Variants in ELMOD1 observed in about 807,000 individuals in gnomAD.
The protein encoded by ELMOD1 is ELMO domain containing 1, also known as ELMO domain-containing protein 1.
ELMOD1 carries 21 observed loss-of-function variants against 46.7 expected under a neutral mutation model. The observed-to-expected ratio is 0.45, with a 90% CI of 0.32 to 0.65. ELMOD1 has a LOEUF of 0.65. Ranked by LOEUF, ELMOD1 falls within the 30% of genes least tolerant of loss-of-function variation. The pLI, the probability that ELMOD1 is intolerant of heterozygous loss-of-function variation, is 0.04. For missense variants in ELMOD1, 348 were observed against 407.8 expected (o/e 0.85, Z 1.26); for synonymous variants, 122 against 138.2 (o/e 0.88, Z 0.82).
rs1866825311 is a variant in ELMOD1 at position 107,665,385 on chromosome 11, T to C, written c.*188T>C. On this transcript the variant is annotated 3_prime_UTR_variant, in exon 12 of 12. Coordinates refer to ENST00000265840, the MANE Select transcript of ELMOD1 (RefSeq NM_018712.4). ...ACCACTGTTTCTGGAGTATCTGTCATCCAGTGACTGCTCATATTGTGGCAT... is the reference window on the plus strand; with the variant it reads ...ACCACTGTTTCTGGAGTATCTGTCACCCAGTGACTGCTCATATTGTGGCAT... 3 of 593,268 alleles carry C rather than the reference T, an allele frequency of 5.1e-6. No homozygotes were observed. The highest frequency in any genetic ancestry group is 2.4e-5 in the South Asian group (1 of 40,976). 36.8% of individuals were successfully genotyped at this position (593,268 alleles called of 1,614,324 possible). A position where few individuals can be genotyped will look rare whatever the true frequency, so the allele number is the denominator to read the frequency against.
intron 1 of ELMOD1, among the ~76,000 whole-genome samples, chr11:107,605,563 G>A (rs781738529): frequency 3.9e-5 from 6 of 152,156 alleles, no homozygotes; most frequent in Non-Finnish European, 8.8e-5. Context: ...AAAACAGTGC[G>A]TAAGATGTAG....
Position 107,634,456 on chromosome 11 carries a change from C to T in ELMOD1, c.291-1180C>T, listed in dbSNP as rs1034080368. Among the ~76,000 whole-genome samples, 14 of 151,844 alleles carry T rather than the reference C, an allele frequency of 9.2e-5. 1 individual carries two copies. The highest frequency in any genetic ancestry group is 3.9e-4 in the Admixed American group (6 of 15,242). On this transcript the variant is annotated intron_variant, in intron 5 of 11. Transcript: ENST00000265840. Reference sequence around the variant, plus strand: ...GAACGATCATAAAACATCTGAAAACCGGCTGGGCGCAGTGGCTCATGCCTG... The same window carrying T: ...GAACGATCATAAAACATCTGAAAACTGGCTGGGCGCAGTGGCTCATGCCTG...
chr11:107,599,464 A>G (rs1189779636), intron 1 of ELMOD1, among the ~76,000 whole-genome samples: 1 of 152,036 alleles, frequency 6.6e-6, no homozygotes, highest in Non-Finnish European at 1.5e-5. Context: ...TGCTTCTGCC[A>G]GGTGCGGTGG....
At chr11:107,631,751 CCTCT>C (rs1202425983) in intron 5 of ELMOD1, 74 bp downstream of exon 5, 1 of 752,314 alleles carries the variant, frequency 1.3e-6, no homozygotes, top group South Asian at 2.6e-5. Context: ...TTCTCTGTCT[CCTCT>C]CTTTTTTTTT....
At position 107,631,085 on chromosome 11, in the gene ELMOD1, T is replaced by C. The variant is rs554558625; in HGVS notation, c.192+357T>C. Among the ~76,000 whole-genome samples, 360 of 152,228 alleles carry C rather than the reference T, an allele frequency of 2.4e-3. 2 individuals are homozygous for C. The highest frequency in any genetic ancestry group is 6.5e-3 in the Admixed American group (100 of 15,284). ...TAACATTATACTTAAGATTTTTCAA[T>C]AACATCAAAGAAGCCACTATGCTAG... is the stretch of plus-strand genomic sequence containing the variant. On this transcript the variant is annotated intron_variant, in intron 4 of 11. Transcript: ENST00000265840.
chr11:107,640,349 G>A (rs1017765427), intron 6 of ELMOD1, among the ~76,000 whole-genome samples: 1 of 152,058 alleles, frequency 6.6e-6, no homozygotes, highest in East Asian at 1.9e-4. Context: ...TATTCCCATT[G>A]GTTTACAATA....
intron 11 of ELMOD1, among the ~76,000 whole-genome samples, chr11:107,663,676 C>T (rs1364097215): frequency 1.3e-5 from 2 of 151,994 alleles, no homozygotes; most frequent in Admixed American, 1.3e-4. Context: ...GTGAAGGTCA[C>T]TCCTAATTTT....
chr11:107,636,641 A>G (rs958273082), intron 6 of ELMOD1, among the ~76,000 whole-genome samples: 5 of 152,194 alleles, frequency 3.3e-5, no homozygotes, highest in Non-Finnish European at 7.3e-5. Flanking sequence ...TCAAAAATGT[A>G]TCCTGTTGTG....
intron 2 of ELMOD1, chr11:107,623,786 A>G (rs959209111): frequency 6.6e-6 from 1 of 152,188 alleles, no homozygotes; most frequent in African/African-American, 2.4e-5. Flanking sequence ...GCTTGCTGTG[A>G]AAATAAGTTC....
intron 10 of ELMOD1, 113 bp downstream of exon 10, chr11:107,654,335 C>A: frequency 1.1e-6 from 1 of 913,728 alleles, no homozygotes; most frequent in Non-Finnish European, 1.7e-6. Flanking sequence ...TAGAAATATA[C>A]AATCTGGTTA....
intron 1 of ELMOD1, among the ~76,000 whole-genome samples, chr11:107,617,859 G>A (rs976666973): frequency 1.3e-5 from 2 of 152,172 alleles, no homozygotes; most frequent in African/African-American, 4.8e-5. Flanking sequence ...GACTGATATT[G>A]AAGAGATTGC....
intron 7 of ELMOD1, among the ~76,000 whole-genome samples, chr11:107,648,515 A>G (rs1866472291): frequency 6.6e-6 from 1 of 152,244 alleles, no homozygotes; most frequent in South Asian, 2.1e-4. Flanking sequence ...TCCAGTGTAA[A>G]GTCCACCATC....
chr11:107,619,629 G>A (rs1254483201), intron 2 of ELMOD1, among the ~76,000 whole-genome samples: 1 of 152,148 alleles, frequency 6.6e-6, no homozygotes, highest in Non-Finnish European at 1.5e-5. Context: ...AACTTGAGCA[G>A]CCTCAAAACC....
At chr11:107,592,045 C>G in intron 1 of ELMOD1, 1 of 477,098 alleles carries the variant, frequency 2.1e-6, no homozygotes, top group Non-Finnish European at 4.4e-6. Flanking sequence ...TGACAGCTGA[C>G]GGGGCTGTTA....
chr11:107,598,238 A>C (rs1457564327), intron 1 of ELMOD1, among the ~76,000 whole-genome samples: 1 of 152,190 alleles, frequency 6.6e-6, no homozygotes, highest in Non-Finnish European at 1.5e-5. Context: ...TGCTGTCTGC[A>C]AACTAGAGAC....
intron 6 of ELMOD1, among the ~76,000 whole-genome samples, chr11:107,646,925 G>A (rs796387895): frequency 6.6e-6 from 1 of 150,944 alleles, no homozygotes; most frequent in African/African-American, 2.4e-5. Context: ...GAGCTTTTTT[G>A]TGGGAGATTA....
chr11:107,610,867 A>G (rs1403730070), intron 1 of ELMOD1, among the ~76,000 whole-genome samples: 1 of 151,968 alleles, frequency 6.6e-6, no homozygotes, highest in Non-Finnish European at 1.5e-5. Context: ...TCTGTATTCC[A>G]TAAATGATGC....
chr11:107,656,916 G>A (rs1285463701), intron 11 of ELMOD1, among the ~76,000 whole-genome samples: 1 of 152,162 alleles, frequency 6.6e-6, no homozygotes, highest in Admixed American at 6.5e-5. Context: ...AATAAAAAAG[G>A]TTGTCAAATT....
At chr11:107,603,428 A>G (rs912576395) in intron 1 of ELMOD1, among the ~76,000 whole-genome samples, 20 of 152,294 alleles carry the variant, frequency 1.3e-4, no homozygotes, top group Middle Eastern at 3.4e-3. Context: ...AGTCCCAGCT[A>G]CTAGGGAGGC....
Sources: gnomAD v4.1 joint callset for allele counts (sites outside exome capture counted in the v4.1 genomes callset) on GRCh38, gnomAD v4.1.1 for gene constraint, MANE v1.5 for transcripts, NCBI Gene and HGNC (gene_info 2026-07-23, HGNC 2026-07-21) for gene names.